Variants in NELL1 observed in about 807,000 individuals in gnomAD.
The protein encoded by NELL1 is neural EGFL like 1.
Under a neutral mutation model 107.4 loss-of-function variants are expected in NELL1, and 76 were observed. The ratio of observed to expected loss-of-function variants is 0.71; its 90% CI spans 0.59 to 0.86. The LOEUF is 0.86. Ranked by LOEUF, NELL1 falls within the 40% of genes least tolerant of loss-of-function variation. NELL1 has a pLI of 0.00. For synonymous variants in NELL1, 353 were observed against 341.2 expected (o/e 1.03, Z -0.38); for missense variants, 1,024 against 1,005.5 (o/e 1.02, Z -0.25).
At chr11:20,723,339 C>A (rs1411111204) in intron 2 of NELL1, among the ~76,000 whole-genome samples, 1 of 152,182 alleles carries the variant, frequency 6.6e-6, no homozygotes, top group Non-Finnish European at 1.5e-5. Flanking sequence ...TTAGTTACTC[C>A]CAACATACAG....
At chr11:21,498,790 T>C (rs1400644520) in intron 15 of NELL1, among the ~76,000 whole-genome samples, 1 of 152,082 alleles carries the variant, frequency 6.6e-6, no homozygotes, top group East Asian at 1.9e-4. Context: ...CTTTTCTACA[T>C]ATTTTCACTG....
intron 2 of NELL1, among the ~76,000 whole-genome samples, chr11:20,733,047 G>T (rs1040690440): frequency 8.5e-5 from 13 of 152,196 alleles, no homozygotes; most frequent in East Asian, 5.8e-4. Context: ...CAATTTGTTC[G>T]ATTGTAAAAT....
chr11:20,821,593 A>C (rs1349912158), intron 3 of NELL1, among the ~76,000 whole-genome samples: 4 of 152,256 alleles, frequency 2.6e-5, no homozygotes, highest in African/African-American at 9.6e-5. Context: ...AATATGTCCA[A>C]CTGTTTTCAT....
At chr11:21,464,648 T>C (rs934725878) in intron 15 of NELL1, among the ~76,000 whole-genome samples, 7 of 152,120 alleles carry the variant, frequency 4.6e-5, no homozygotes, top group Admixed American at 2.0e-4. Context: ...GATTATTAAA[T>C]ATGGATGTTG....
intron 15 of NELL1, among the ~76,000 whole-genome samples, chr11:21,523,895 G>A (rs549017936): frequency 5.6e-4 from 84 of 151,222 alleles, no homozygotes; most frequent in Non-Finnish European, 9.0e-4. Flanking sequence ...GTGTGTGTGT[G>A]TATATATATA....
chr11:20,827,270 G>A (rs1238692518), intron 3 of NELL1, among the ~76,000 whole-genome samples: 1 of 151,266 alleles, frequency 6.6e-6, no homozygotes, highest in East Asian at 1.9e-4. Flanking sequence ...TTGTGCCAAA[G>A]CTCTGTAGAT....
At chr11:20,996,631 C>G (rs1230434609) in intron 12 of NELL1, among the ~76,000 whole-genome samples, 1 of 152,116 alleles carries the variant, frequency 6.6e-6, no homozygotes, top group Non-Finnish European at 1.5e-5. Context: ...CCCTTTCTTC[C>G]CATATCAGGA....
chr11:21,427,977 A>G (rs902366490), intron 15 of NELL1, among the ~76,000 whole-genome samples: 5 of 152,224 alleles, frequency 3.3e-5, no homozygotes, highest in Admixed American at 2.6e-4. Flanking sequence ...TTCACTGATG[A>G]GTCTAACTTG....
chr11:21,201,037 T>C (rs898676911), intron 13 of NELL1, among the ~76,000 whole-genome samples: 7 of 152,212 alleles, frequency 4.6e-5, no homozygotes, highest in Non-Finnish European at 1.0e-4. Context: ...ACTGTAGCCT[T>C]GTAGTATAGT....
chr11:21,032,854 T>C (rs12802565), intron 12 of NELL1, among the ~76,000 whole-genome samples: 9,687 of 152,282 alleles, frequency 0.064, 469 homozygotes, highest in Admixed American at 0.093. Flanking sequence ...TCATCATTCT[T>C]TCCTAATCTC....
intron 12 of NELL1, among the ~76,000 whole-genome samples, chr11:21,001,595 G>A (rs1852222719): frequency 6.6e-6 from 1 of 152,114 alleles, no homozygotes; most frequent in Admixed American, 6.5e-5. Flanking sequence ...CTGAGACCGA[G>A]CTAGAGGGGC....
intron 12 of NELL1, among the ~76,000 whole-genome samples, chr11:21,041,886 T>C (rs1355275300): frequency 6.6e-6 from 1 of 152,238 alleles, no homozygotes; most frequent in African/African-American, 2.4e-5. Context: ...GGTGTTTTGC[T>C]GAAGTGAAGT....
intron 7 of NELL1, among the ~76,000 whole-genome samples, chr11:20,920,568 AGCTTGTGTTATAGAGAGG>A (rs1850355952): frequency 6.6e-6 from 1 of 152,112 alleles, no homozygotes; most frequent in Non-Finnish European, 1.5e-5. Flanking sequence ...TTACCTTCCC[AGCTTGTGTTATAGAGAGG>A]CTTTTATTTC....
intron 14 of NELL1, among the ~76,000 whole-genome samples, chr11:21,327,300 C>G (rs1490965472): frequency 1.3e-5 from 2 of 151,250 alleles, no homozygotes; most frequent in African/African-American, 4.9e-5. Context: ...ACATATGTAA[C>G]TAACCTGCAC....
intron 15 of NELL1, among the ~76,000 whole-genome samples, chr11:21,512,048 G>A (rs11026119): frequency 0.34 from 51,842 of 152,032 alleles, 9,257 homozygotes; most frequent in Middle Eastern, 0.4. Context: ...ACCTGGTGGC[G>A]ATGGTCCTCA....
At chr11:21,130,544 T>C (rs1855592373) in intron 13 of NELL1, among the ~76,000 whole-genome samples, 1 of 152,160 alleles carries the variant, frequency 6.6e-6, no homozygotes, top group Non-Finnish European at 1.5e-5. Flanking sequence ...AGGGTAAACA[T>C]GGCAACTCTA....
At position 20,686,087 on chromosome 11, in the gene NELL1, A is replaced by T. The variant is rs190248720; in HGVS notation, c.184+8027A>T. ...ACTTCAAAAGTGCAAAGTGTAAAAA[A>T]AAAACAGTTCATTATTCTTTCCTTC... is the stretch of plus-strand genomic sequence containing the variant. On this transcript the variant is annotated intron_variant, in intron 2 of 19. Coordinates refer to ENST00000357134, the MANE Select transcript of NELL1 (RefSeq NM_006157.5). Among the ~76,000 whole-genome samples the T allele has an allele frequency of 5.3e-5, 8 of 152,258 alleles. No homozygotes were observed. The South Asian group carries it at 1.0e-3, about 20-fold the overall frequency.
intron 13 of NELL1, among the ~76,000 whole-genome samples, chr11:21,196,640 TA>T (rs1214424870): frequency 1.3e-5 from 2 of 152,160 alleles, no homozygotes; most frequent in Admixed American, 1.3e-4. Flanking sequence ...TTCTCTGCTT[TA>T]TTTTTCCATA....
chr11:21,461,438 C>A (rs1853897482), intron 15 of NELL1, among the ~76,000 whole-genome samples: 1 of 151,992 alleles, frequency 6.6e-6, no homozygotes, highest in African/African-American at 2.4e-5. Flanking sequence ...AGGTCTTTCT[C>A]CCCTATAAAA....
Sources: allele counts gnomAD v4.1 joint callset (sites outside exome capture counted in the v4.1 genomes callset), GRCh38; gene constraint gnomAD v4.1.1; transcripts MANE v1.5; gene names NCBI Gene and HGNC (gene_info 2026-07-23, HGNC 2026-07-21).